DEAF1: variants seen among roughly 807,000 people sequenced by gnomAD.
DEAF1 encodes deformed epidermal autoregulatory factor 1 homolog.
In DEAF1, 53 loss-of-function variants were observed where a neutral mutation model predicts 58.9. The observed-to-expected ratio is 0.90, with a 90% CI of 0.72 to 1.13. The LOEUF is 1.13. DEAF1 is among the 50% of genes most tolerant of loss of function. The probability of loss-of-function intolerance (pLI) is 0.00; values close to 1 mark genes in which losing one functional copy is unlikely to be tolerated. For synonymous variants in DEAF1, 385 were observed against 340.4 expected (o/e 1.13, Z -1.44); for missense variants, 685 against 791.4 (o/e 0.87, Z 1.61).
At position 654,058 on chromosome 11, in the gene DEAF1, G is replaced by T. The variant is rs1858924271; in HGVS notation, c.1504-7C>A. 1 of 1,610,870 alleles carries T rather than the reference G, an allele frequency of 6.2e-7. No homozygotes were observed. ...CGCAGTTAACGCAGGACTGCTGCAA[G>T]AAGGACACAACAGGCCAGTCAGTGA... On this transcript the variant is annotated splice_polypyrimidine_tract_variant and splice_region_variant and intron_variant, in intron 10 of 11. Coordinates refer to ENST00000382409, the MANE Select transcript of DEAF1 (RefSeq NM_021008.4).
intron 1 of DEAF1, among the ~76,000 whole-genome samples, chr11:705,670 G>A (rs749809933): frequency 1.3e-5 from 2 of 152,192 alleles, no homozygotes; most frequent in Non-Finnish European, 2.9e-5. Flanking sequence ...CGAAGCCTCT[G>A]CCCCTGGGCC....
At chr11:661,780 G>A (rs1859331530) in intron 10 of DEAF1, among the ~76,000 whole-genome samples, 1 of 152,190 alleles carries the variant, frequency 6.6e-6, no homozygotes, top group African/African-American at 2.4e-5. Flanking sequence ...CTGGAGGCAT[G>A]GGTGCTCTGT....
intron 10 of DEAF1, among the ~76,000 whole-genome samples, chr11:670,281 G>A (rs1859752975): frequency 6.6e-6 from 1 of 152,006 alleles, no homozygotes; most frequent in South Asian, 2.1e-4. Context: ...AGACCAAAAG[G>A]ACACACAGTA....
At chr11:696,427 C>T (rs924380945), upstream of DEAF1, among the ~76,000 whole-genome samples, 5 of 152,298 alleles carry the variant, frequency 3.3e-5, no homozygotes, top group African/African-American at 1.2e-4. Context: ...AATGGCTACT[C>T]CATAGGCAGG....
At chr11:690,886 C>T (rs1383209239) in intron 2 of DEAF1, among the ~76,000 whole-genome samples, 3 of 152,326 alleles carry the variant, frequency 2.0e-5, no homozygotes, top group East Asian at 3.9e-4. Flanking sequence ...CTGGACCCAC[C>T]CTGGCATCTG....
chr11:689,202 C>CTT (rs34046317), intron 2 of DEAF1, among the ~76,000 whole-genome samples: 42 of 94,166 alleles, frequency 4.5e-4, no homozygotes, highest in Admixed American at 6.2e-4. Context: ...TTTTCTTTTT[C>CTT]TTTTTTTTTT....
chr11:650,738 G>A (rs528021206), intron 11 of DEAF1, among the ~76,000 whole-genome samples: 1 of 151,900 alleles, frequency 6.6e-6, no homozygotes, highest in African/African-American at 2.4e-5. Context: ...TGGAACACTT[G>A]AGTCCAAGGG....
At chr11:683,349 G>C (rs1165728065) in intron 6 of DEAF1, among the ~76,000 whole-genome samples, 2 of 152,028 alleles carry the variant, frequency 1.3e-5, no homozygotes, top group African/African-American at 4.8e-5. Context: ...ATTCATTTTT[G>C]TACCAAGTGT....
chr11:651,379 A>G, intron 11 of DEAF1: 1 of 322,192 alleles, frequency 3.1e-6, no homozygotes. Context: ...GATGGAGACC[A>G]GGCTGGTCAA....
Position 685,082 on chromosome 11 carries a change from CTTTTTTTTTTT to C in DEAF1, c.805-130_805-120del, listed in dbSNP as rs55670454. 2 of 357,428 alleles carry C rather than the reference CTTTTTTTTTTT, an allele frequency of 5.6e-6. 1 individual carries two copies. The highest frequency in any genetic ancestry group is 4.8e-5 in the South Asian group (2 of 42,056). The allele number at this position is 357,428 out of a possible 1,614,324, so 22.1% of individuals were successfully genotyped here. On this transcript the variant is annotated intron_variant, in intron 5 of 11. Transcript: ENST00000382409. The stretch of plus-strand genomic sequence containing the variant: ...CCTACCATTCATAAATATAAAAATT[CTTTTTTTTTTT>C]TTTTTTTTTGAGACAGAGTCTTGTT...
chr11:674,210 T>G (rs1244545497), intron 10 of DEAF1: 4 of 370,184 alleles, frequency 1.1e-5, no homozygotes, highest in East Asian at 1.3e-4. Context: ...TCATAAAATA[T>G]AAGCACATTT....
chr11:695,806 A>G (rs1861108101), upstream of DEAF1: 2 of 1,234,092 alleles, frequency 1.6e-6, no homozygotes, highest in South Asian at 3.9e-5. Flanking sequence ...ATCGCGACGG[A>G]CCGGCGGGCG....
chr11:648,838 AAC>A (rs1438248500), intron 11 of DEAF1, among the ~76,000 whole-genome samples: 2 of 152,352 alleles, frequency 1.3e-5, no homozygotes, highest in South Asian at 2.1e-4. Flanking sequence ...TACACTAGAA[AAC>A]ACAACTAGAA....
At chr11:704,693 C>CGTG in intron 1 of DEAF1, 1 of 1,263,580 alleles carries the variant, frequency 7.9e-7, no homozygotes, top group African/African-American at 1.5e-5. Context: ...AGGCAGTGGT[C>CGTG]ACCTGTTCCA....
chr11:683,418 G>A (rs753037953), intron 6 of DEAF1, among the ~76,000 whole-genome samples: 31 of 152,152 alleles, frequency 2.0e-4, no homozygotes, highest in Non-Finnish European at 3.1e-4. Context: ...AAGGCCATTT[G>A]CTGGAGTCTA....
chr11:644,779 C>T lies in DEAF1; in HGVS notation c.1594-125G>A. 1.3e-6 allele frequency: 1 copy of T among 751,714 alleles called. No individual in the cohort carries two copies. The highest frequency in any genetic ancestry group is 2.3e-6 in the Non-Finnish European group (1 of 432,612). The allele number at this position is 751,714 out of a possible 1,614,324, so 46.6% of individuals were successfully genotyped here. A position where few individuals can be genotyped will look rare whatever the true frequency, so the allele number is the denominator to read the frequency against. ...CCTCACCTGGAGGTGCTGAGAATGC[C>T]CTCCCCAGCCCCCGTGCGCCCAAAC... On this transcript the variant is annotated intron_variant, in intron 11 of 11. Coordinates refer to ENST00000382409, the MANE Select transcript of DEAF1 (RefSeq NM_021008.4). The surrounding 1 kb of genome is among the most constrained non-coding windows in gnomAD (Gnocchi z 4.3).
chr11:703,077 G>C, intron 1 of DEAF1: 1 of 1,612,660 alleles, frequency 6.2e-7, no homozygotes, highest in Non-Finnish European at 8.5e-7. Context: ...TGGGCCCTCA[G>C]CGCCACGCTC....
upstream of DEAF1, chr11:695,848 T>G: frequency 2.4e-6 from 3 of 1,228,436 alleles, no homozygotes; most frequent in Non-Finnish European, 3.0e-6. Context: ...CGCGGCGAGG[T>G]GAGCTCGGGC....
intron 10 of DEAF1, among the ~76,000 whole-genome samples, chr11:660,879 CCG>C (rs1249705648): frequency 2.2e-5 from 3 of 139,482 alleles, no homozygotes; most frequent in African/African-American, 9.7e-5. Flanking sequence ...CTTGAGGCAC[CCG>C]CGGCCTTACG....
Sources: gnomAD v4.1 joint callset for allele counts (sites outside exome capture counted in the v4.1 genomes callset) on GRCh38, gnomAD v4.1.1 for gene constraint, Gnocchi (gnomAD v3.1) non-coding constraint, MANE v1.5 for transcripts, NCBI Gene and HGNC (gene_info 2026-07-23, HGNC 2026-07-21) for gene names.